Variants in HLA-DPA1 observed in about 807,000 individuals in gnomAD.
HLA-DPA1 encodes the protein major histocompatibility complex, class II, DP alpha 1.
A neutral mutation model predicts 21.5 loss-of-function variants in HLA-DPA1; 20 were observed. The observed-to-expected ratio is 0.93, with a 90% CI of 0.66 to 1.35. The LOEUF is 1.35. Among genes scored for constraint, HLA-DPA1 ranks in the 40% most tolerant of loss-of-function variants. HLA-DPA1 has a pLI of 0.00. For synonymous variants in HLA-DPA1, 123 were observed against 129.6 expected (o/e 0.95, Z 0.35); for missense variants, 279 against 323.0 (o/e 0.86, Z 1.05).
intron 1 of HLA-DPA1, among the ~76,000 whole-genome samples, chr6:33,078,742 G>A (rs920405754): frequency 2.6e-5 from 4 of 152,086 alleles, no homozygotes; most frequent in African/African-American, 9.7e-5. Flanking sequence ...CTAAGACTGG[G>A]TAAATTAAAA....
chr6:33,077,286 A>G (rs1562141188), intron 1 of HLA-DPA1, among the ~76,000 whole-genome samples: 1 of 152,038 alleles, frequency 6.6e-6, no homozygotes, highest in Admixed American at 6.5e-5. Context: ...TCCATGGTGT[A>G]TATGTGTGCA....
At chr6:33,075,346 T>C (rs1762485944) in intron 1 of HLA-DPA1, among the ~76,000 whole-genome samples, 1 of 152,138 alleles carries the variant, frequency 6.6e-6, no homozygotes, top group African/African-American at 2.4e-5. Flanking sequence ...CATGGTAGGG[T>C]AGGTGGTGTG....
intron 5 of HLA-DPA1, chr6:33,067,313 TC>T (rs989426406): frequency 8.0e-6 from 1 of 125,630 alleles, no homozygotes; most frequent in Non-Finnish European, 1.6e-5. Context: ...AATGGCTTTG[TC>T]CCCTCTCCGG....
chr6:33,070,257 C>T (rs111956837), intron 2 of HLA-DPA1, among the ~76,000 whole-genome samples: 43,955 of 152,002 alleles, frequency 0.29, 8,379 homozygotes, highest in East Asian at 0.69. Flanking sequence ...ATTTCACTCG[C>T]TGAATTGTCA....
At chr6:33,078,407 C>T (rs1369790605) in intron 1 of HLA-DPA1, among the ~76,000 whole-genome samples, 1 of 152,130 alleles carries the variant, frequency 6.6e-6, no homozygotes, top group Non-Finnish European at 1.5e-5. Context: ...CATCCCCAAC[C>T]TCAAACAGGG....
At position 33,072,568 on chromosome 6, in the gene HLA-DPA1, T is replaced by C. The variant is rs146418701; in HGVS notation, c.100+903A>G. Among the ~76,000 whole-genome samples the C allele has an allele frequency of 3.6e-3, 542 of 152,288 alleles. 3 individuals carry two copies. The highest frequency in any genetic ancestry group is 0.026 in the East Asian group (133 of 5,186). Reference sequence around the variant, plus strand: ...TGACCGCGAACAGGGCAATAGATACTTCTGGTTCTACCCAGCCTGACCTCC... The same window carrying C: ...TGACCGCGAACAGGGCAATAGATACCTCTGGTTCTACCCAGCCTGACCTCC... On this transcript the variant is annotated intron_variant, in intron 2 of 5. Transcript: ENST00000419277.
intron 1 of HLA-DPA1, among the ~76,000 whole-genome samples, chr6:33,075,111 A>C (rs1264633702): frequency 1.3e-5 from 2 of 152,228 alleles, no homozygotes; most frequent in African/African-American, 4.8e-5. Flanking sequence ...AAATAGAATC[A>C]GATGCTTTGA....
chr6:33,070,271 T>C lies in HLA-DPA1; in HGVS notation c.101-385A>G, dbSNP rs575276362. 2.0e-5 allele frequency among the ~76,000 whole-genome samples: 3 copies of C among 152,270 alleles called. No individual in the cohort carries two copies. In the East Asian group the frequency reaches 5.8e-4, roughly 29 times the overall value. ...TATTTCACTCGCTGAATTGTCACAATAACCCTATGAAGCAAATACATATCA... is the reference window on the plus strand; with the variant it reads ...TATTTCACTCGCTGAATTGTCACAACAACCCTATGAAGCAAATACATATCA... On this transcript the variant is annotated intron_variant, in intron 2 of 5. Transcript: ENST00000419277.
rs1762097045 is a variant in HLA-DPA1 at position 33,068,785 on chromosome 6, C to T, written c.648G>A (p.Gln216=). Reference sequence around the variant, plus strand: ...GCACAGTCTCCGTTGTCTCAGGCATCTGGATTGGCTCTTGGGCCTCTGGGG... The same window carrying T: ...GCACAGTCTCCGTTGTCTCAGGCATTTGGATTGGCTCTTGGGCCTCTGGGG... Residue 216 remains glutamine, a synonymous_variant, in exon 5 of 6, where the codon CAG becomes CAA. Coordinates refer to ENST00000419277, the Ensembl canonical transcript of HLA-DPA1. 3.1e-6 allele frequency: 5 copies of T among 1,613,034 alleles called. No homozygotes were observed. In the South Asian group the frequency reaches 5.5e-5, roughly 18 times the overall value.
At chr6:33,069,268 G>A (rs41562016) in exon 4 of HLA-DPA1, 2 of 1,612,972 alleles carry the variant, frequency 1.2e-6, no homozygotes, top group Non-Finnish European at 1.7e-6. Flanking sequence ...AGCTCCACAG[G>A]CTCCTTGGGA....
intron 1 of HLA-DPA1, among the ~76,000 whole-genome samples, chr6:33,078,633 A>C (rs1252000654): frequency 2.0e-5 from 3 of 152,252 alleles, no homozygotes; most frequent in Non-Finnish European, 4.4e-5. Flanking sequence ...ATACAAAAAA[A>C]AATGAAGGTT....
exon 4 of HLA-DPA1, chr6:33,069,221 C>A (rs113113454): frequency 6.2e-7 from 1 of 1,612,980 alleles, no homozygotes; most frequent in East Asian, 2.2e-5. Context: ...GTGGGAAGAA[C>A]TTGTCAATGT....
rs560435082 is a variant in HLA-DPA1 at position 33,068,814 on chromosome 6, G to A, written c.629-10C>T. ...ATTGGCTCTTGGGCCTCTGGGGGAA[G>A]AATGAAGAGATAGGGTCAGGAGGTG... is the stretch of plus-strand genomic sequence containing the variant. On this transcript the variant is annotated splice_polypyrimidine_tract_variant and intron_variant, in intron 4 of 5. Coordinates refer to ENST00000419277, the Ensembl canonical transcript of HLA-DPA1. 1 of 1,612,490 alleles carries A rather than the reference G, an allele frequency of 6.2e-7. No homozygotes were observed. The highest frequency in any genetic ancestry group is 1.3e-5 in the African/African-American group (1 of 75,028).
chr6:33,074,595 C>T (rs923049208), intron 1 of HLA-DPA1, among the ~76,000 whole-genome samples: 53 of 152,198 alleles, frequency 3.5e-4, no homozygotes, highest in Middle Eastern at 3.4e-3. Flanking sequence ...ACATATATTA[C>T]GTTAATATTT....
At chr6:33,077,855 A>C (rs940954981) in intron 1 of HLA-DPA1, among the ~76,000 whole-genome samples, 1 of 152,018 alleles carries the variant, frequency 6.6e-6, no homozygotes, top group East Asian at 1.9e-4. Flanking sequence ...CAGCCCCTCA[A>C]GCCCTAAAAC....
intron 5 of HLA-DPA1, 76 bp downstream of exon 4, chr6:33,068,562 G>A: frequency 8.4e-7 from 1 of 1,197,140 alleles, no homozygotes; most frequent in South Asian, 1.5e-5. Context: ...GAAGATCAAT[G>A]AACACTTATC....
At chr6:33,072,734 T>G (rs1306783300) in intron 2 of HLA-DPA1, among the ~76,000 whole-genome samples, 1 of 152,152 alleles carries the variant, frequency 6.6e-6, no homozygotes, top group Non-Finnish European at 1.5e-5. Context: ...TGATTTCAGC[T>G]ACAGGAAAAA....
chr6:33,078,089 G>A (rs1762641573), intron 1 of HLA-DPA1, among the ~76,000 whole-genome samples: 1 of 152,086 alleles, frequency 6.6e-6, no homozygotes, highest in Non-Finnish European at 1.5e-5. Flanking sequence ...GAGCTGTCAT[G>A]TGGGATGAGG....
At chr6:33,075,664 T>C (rs1233265957) in intron 1 of HLA-DPA1, among the ~76,000 whole-genome samples, 1 of 152,122 alleles carries the variant, frequency 6.6e-6, no homozygotes, top group Non-Finnish European at 1.5e-5. Flanking sequence ...TGTGGCAGAA[T>C]TGGGGAAATG....
Sources: allele counts gnomAD v4.1 joint callset (sites outside exome capture counted in the v4.1 genomes callset), GRCh38; gene constraint gnomAD v4.1.1; transcripts MANE v1.5; gene names NCBI Gene and HGNC (gene_info 2026-07-23, HGNC 2026-07-21).